The following MYH8 variants were observed in gnomAD, a reference collection of about 807,000 sequenced individuals.
MYH8 encodes the protein myosin heavy chain 8.
In MYH8, 168 loss-of-function variants were observed where a neutral mutation model predicts 233.2. The observed-to-expected ratio is 0.72, with a 90% confidence interval of 0.64 to 0.82. MYH8 has a LOEUF of 0.82. MYH8 is among the 40% of genes least tolerant of loss of function. The pLI, the probability that MYH8 is intolerant of heterozygous loss-of-function variation, is 0.00. For missense variants in MYH8, 1,995 were observed against 2,327.8 expected (o/e 0.86, Z 2.94); for synonymous variants, 785 against 850.6 (o/e 0.92, Z 1.34).
intron 33 of MYH8, 59 bp from the exon 34 acceptor site, chr17:10,395,500 C>A (rs557004843): frequency 7.3e-5 from 112 of 1,542,660 alleles, no homozygotes; most frequent in Admixed American, 2.2e-4. Context: ...GGAGTATATT[C>A]CCTCGTGAGC....
chr17:10,392,735 GC>G, intron 37 of MYH8, 89 bp from the exon 38 acceptor site: 1 of 1,611,242 alleles, frequency 6.2e-7, no homozygotes, highest in Non-Finnish European at 8.5e-7. Context: ...GGTGTTCCCA[GC>G]CCCAGGACAG....
At chr17:10,402,224 G>C (rs1055569239) in intron 22 of MYH8, among the ~76,000 whole-genome samples, 1 of 152,066 alleles carries the variant, frequency 6.6e-6, no homozygotes, top group African/African-American at 2.4e-5. Flanking sequence ...TAAAGATTTT[G>C]ATTTAGTTAA....
At chr17:10,421,031 T>G (rs2072334863) in intron 2 of MYH8, among the ~76,000 whole-genome samples, 1 of 152,144 alleles carries the variant, frequency 6.6e-6, no homozygotes, top group Admixed American at 6.5e-5. Context: ...GTTTTAAGAG[T>G]ACATCACATG....
intron 17 of MYH8, among the ~76,000 whole-genome samples, chr17:10,408,175 G>A (rs1227594256): frequency 2.6e-5 from 4 of 151,914 alleles, no homozygotes; most frequent in African/African-American, 7.3e-5. Flanking sequence ...TCCTGACCTC[G>A]TGATCTGCCC....
rs747170484 is a variant in MYH8, at chr17:10,406,981, T to A, written c.1966-2A>T. On this transcript the variant is annotated splice_acceptor_variant, in intron 17 of 39. Transcript: ENST00000403437. LOFTEE classifies it high-confidence loss of function. ...CGTCATCAATTTATTTAAATTTTCC[T>A]AGAAAACCAGACAGAAAGGACTTGA... 6.2e-7 allele frequency: 1 copy of A among 1,612,232 alleles called. No individual in the cohort carries two copies. Among genetic ancestry groups the A allele is most frequent in the South Asian group, 1.1e-5 (1 of 91,040 alleles).
At position 10,401,782 on chromosome 17, in the gene MYH8, C is replaced by T. The variant is rs201276413; in HGVS notation, c.2692G>A (p.Ala898Thr). Residue 898 changes from alanine (A) to threonine (T), a missense_variant, in exon 23 of 40, where the codon GCA becomes ACA. This residue lies in a region of MYH8 where 1,498 missense variants were observed against 1,680.9 expected (regional missense o/e 0.89). Coordinates refer to ENST00000403437, the MANE Select transcript of MYH8 (RefSeq NM_002472.3). ...TCCTCTGCATCAGCCAAGCTATCTG[C>T]TTCCTATGGAGAGATTCATTCAGAT... ...NDLQLQVQSE[A>T]DSLADAEERC... 23 of 1,614,026 alleles carry T rather than the reference C, an allele frequency of 1.4e-5. No individual in the cohort carries two copies. Among genetic ancestry groups the T allele is most frequent in the Non-Finnish European group, 1.9e-5 (23 of 1,180,034 alleles).
intron 13 of MYH8, 26 bp from the exon 14 acceptor site, chr17:10,412,545 G>A (rs1406772752): frequency 1.2e-6 from 2 of 1,614,174 alleles, no homozygotes; most frequent in Non-Finnish European, 1.7e-6. Context: ...AATGTTTGTT[G>A]GTATTGTTAA....
At chr17:10,416,987 A>G (rs540070175) in intron 5 of MYH8, among the ~76,000 whole-genome samples, 135 of 152,320 alleles carry the variant, frequency 8.9e-4, no homozygotes, top group African/African-American at 3.1e-3. Context: ...TGACTTTTCT[A>G]ATATTAAGTA....
At chr17:10,399,275 G>A (rs2072111309) in intron 28 of MYH8, among the ~76,000 whole-genome samples, 1 of 150,408 alleles carries the variant, frequency 6.6e-6, no homozygotes, top group Non-Finnish European at 1.5e-5. Flanking sequence ...GTGTCTGTTT[G>A]TGTGTGATGT....
Position 10,395,146 on chromosome 17 carries a change from TG to T in MYH8, c.4948del (p.Gln1650LysfsTer4). 1 of 1,613,468 alleles carries T rather than the reference TG, an allele frequency of 6.2e-7. No homozygotes were observed. Among genetic ancestry groups the T allele is most frequent in the Non-Finnish European group, 8.5e-7 (1 of 1,180,006 alleles). ...AESLRNYRNTQGILKETQLHL... is the reference protein window; with the variant it reads ...AESLRNYRNTXGILKETQLHL... Reference sequence around the variant, plus strand: ...GGACCCGTTTACCTTCAGGATTCCTTGGGTGTTCCTGTAGTTCCTTAAACTC... The same window carrying T: ...GGACCCGTTTACCTTCAGGATTCCTTGGTGTTCCTGTAGTTCCTTAAACTC... On this transcript the variant is annotated frameshift_variant, in exon 34 of 40. Transcript: ENST00000403437. LOFTEE classifies it high-confidence loss of function.
chr17:10,396,979 A>G lies in MYH8; in HGVS notation c.4186T>C (p.Leu1396=), dbSNP rs2072085473. Residue 1396 remains leucine (L), a synonymous_variant, in exon 31 of 40, where the codon TTG becomes CTG. Transcript: ENST00000403437. The surrounding 1 kb of genome is among the most constrained non-coding windows in gnomAD (Gnocchi z 4.2). ...TEELEEAKKK[L]AQRLQEAEEH... ...TCAGCTTCTTGCAGGCGCTGGGCCA[A>G]CTTTTTCCTGAAAAGTTAGCCAGGC... is the stretch of plus-strand genomic sequence containing the variant. 1 of 1,614,228 alleles carries G rather than the reference A, an allele frequency of 6.2e-7. No individual in the cohort carries two copies. The highest frequency in any genetic ancestry group is 8.5e-7 in the Non-Finnish European group (1 of 1,180,038).
chr17:10,397,339 C>T (rs1312550417), intron 30 of MYH8, among the ~76,000 whole-genome samples: 2 of 152,138 alleles, frequency 1.3e-5, no homozygotes, highest in African/African-American at 4.8e-5. Context: ...GGTGATCCAC[C>T]CGCCTTGGCC....
At position 10,410,966 on chromosome 17, in the gene MYH8, A is replaced by G; in HGVS notation, c.1417-19T>C. 6.2e-7 allele frequency: 1 copy of G among 1,614,112 alleles called. No individual in the cohort carries two copies. ...TGTTAAACTACACAAAATAATAGAG[A>G]TTTCCAACATCAAATGAGTTTTATA... On this transcript the variant is annotated intron_variant, in intron 14 of 39. Transcript: ENST00000403437.
At position 10,410,791 on chromosome 17, in the gene MYH8, C is replaced by T. The variant is rs148038187; in HGVS notation, c.1573G>A (p.Glu525Lys). ...ACCAAACCGACCTTCTCAATGAGCT[C>T]AATGCAGGCAGCCAGGTCCATCCCA... Reference protein sequence around the residue: ...DFGMDLAACIELIEKPLGIFS... With the variant: ...DFGMDLAACIKLIEKPLGIFS... Residue 525 changes from glutamate to lysine, a missense_variant, in exon 15 of 40, where the codon GAG (glutamate) becomes AAG (lysine). By Grantham distance (56) the Glu-to-Lys change is moderately conservative (BLOSUM62 1). Transcript: ENST00000403437. 9 of 1,613,952 alleles carry T rather than the reference C, an allele frequency of 5.6e-6. No homozygotes were observed. In the African/African-American group the frequency reaches 1.2e-4, roughly 22 times the overall value.
chr17:10,393,072 A>ATGTTCATCTTACATCAG lies in MYH8; in HGVS notation c.5288_5292+12dup. On this transcript the variant is annotated intron_variant, in intron 36 of 39. Transcript: ENST00000403437. The stretch of plus-strand genomic sequence containing the variant: ...AGGTGCATACGTGTCAGTAGGCCAA[A>ATGTTCATCTTACATCAG]TGTTCATCTTACATCAGTGATGGCC... The ATGTTCATCTTACATCAG allele has an allele frequency of 6.2e-7, 1 of 1,614,172 alleles. No individual in the cohort carries two copies. Among genetic ancestry groups the ATGTTCATCTTACATCAG allele is most frequent in the Non-Finnish European group, 8.5e-7 (1 of 1,180,034 alleles).
rs1395778730 is a variant in MYH8, at chr17:10,400,115, G to A, written c.3735+275C>T. Among the ~76,000 whole-genome samples, 2 of 152,090 alleles carry A rather than the reference G, an allele frequency of 1.3e-5. No homozygotes were observed. The highest frequency in any genetic ancestry group is 4.8e-5 in the African/African-American group (2 of 41,414). On this transcript the variant is annotated intron_variant, in intron 27 of 39. Transcript: ENST00000403437. The surrounding 1 kb of genome is among the most constrained non-coding windows in gnomAD (Gnocchi z 4.0). ...CTACTGGGGAGGCTGAGGCAGGAGA[G>A]TGGCGTGAACCCGGGAGGCGGAGCT...
chr17:10,420,309 T>C (rs1449037429), intron 2 of MYH8, 52 bp from the exon 3 acceptor site: 4 of 1,483,582 alleles, frequency 2.7e-6, no homozygotes, highest in Non-Finnish European at 2.8e-6. Context: ...AAGTCACAAA[T>C]GTGAGTTAGG....
At chr17:10,395,693 AAATTC>A (rs2072072419) in intron 33 of MYH8, among the ~76,000 whole-genome samples, 1 of 151,962 alleles carries the variant, frequency 6.6e-6, no homozygotes, top group African/African-American at 2.4e-5. Flanking sequence ...TTATATAATT[AAATTC>A]ATGTATAGTA....
chr17:10,406,098 T>C lies in MYH8; in HGVS notation c.2375A>G (p.Gln792Arg), dbSNP rs746866721. Residue 792 changes from glutamine to arginine, a missense_variant, in exon 21 of 40, where the codon CAA (glutamine) becomes CGA (arginine). By Grantham distance (43) the Gln-to-Arg change is conservative (BLOSUM62 1). Coordinates refer to ENST00000403437, the MANE Select transcript of MYH8 (RefSeq NM_002472.3). ...CATTAGGAATCCCCTACAGACAGCT[T>C]GTGTTCTTGTTATAATTTGGGCTAA... ...EKLAQIITRT[Q>R]AVCRGFLMRV... is the part of the protein sequence containing the mutation. The C allele has an allele frequency of 6.2e-7, 1 of 1,614,062 alleles. No homozygotes were observed. Among genetic ancestry groups the C allele is most frequent in the East Asian group, 2.2e-5 (1 of 44,870 alleles).
Sources: allele counts gnomAD v4.1 joint callset (sites outside exome capture counted in the v4.1 genomes callset), GRCh38; gene constraint gnomAD v4.1.1; regional missense constraint gnomAD v4.1.1; non-coding constraint Gnocchi (gnomAD v3.1); transcripts MANE v1.5; gene names NCBI Gene and HGNC (gene_info 2026-07-23, HGNC 2026-07-21).